ERP44: variants seen among roughly 807,000 people sequenced by gnomAD.
ERP44 encodes the protein endoplasmic reticulum protein 44.
ERP44 carries 25 observed loss-of-function variants against 53.4 expected under a neutral mutation model. That is an observed-to-expected ratio of 0.47 (90% CI 0.34 to 0.65). ERP44 has a LOEUF of 0.65. ERP44 is among the 30% of genes least tolerant of loss of function. The pLI, the probability that ERP44 is intolerant of heterozygous loss-of-function variation, is 0.01. For missense variants in ERP44, 338 were observed against 493.2 expected, an observed-to-expected ratio of 0.69 and a Z score of 2.98; for synonymous variants, 145 against 161.2, an observed-to-expected ratio of 0.90 and a Z score of 0.76.
chr9:100,041,239 C>T (rs544090660), intron 4 of ERP44, among the ~76,000 whole-genome samples: 1 of 152,222 alleles, frequency 6.6e-6, no homozygotes, highest in East Asian at 1.9e-4. Flanking sequence ...CATCACCTGA[C>T]TTCAAATTAT....
chr9:100,009,175 A>G (rs559343433), intron 8 of ERP44, among the ~76,000 whole-genome samples: 239 of 152,294 alleles, frequency 1.6e-3, no homozygotes, highest in Middle Eastern at 6.8e-3. Flanking sequence ...GCACTAGTGC[A>G]ATCTTGGCTC....
chr9:100,088,708 T>C (rs181442640), intron 1 of ERP44, among the ~76,000 whole-genome samples: 1 of 152,314 alleles, frequency 6.6e-6, no homozygotes, highest in Admixed American at 6.5e-5. Context: ...ATACCAGTAT[T>C]ATTCCTCAGA....
rs1157962546 is a variant in ERP44, at chr9:100,052,538, C to A, written c.171-6G>T. Reference sequence around the variant, plus strand: ...ACATCTGACTGAAACGACACCTATACACAGAGAAGGATGCCAATTAGAAAT... The same window carrying A: ...ACATCTGACTGAAACGACACCTATAAACAGAGAAGGATGCCAATTAGAAAT... On this transcript the variant is annotated splice_region_variant and splice_polypyrimidine_tract_variant and intron_variant, in intron 3 of 11. Coordinates refer to ENST00000262455, the MANE Select transcript of ERP44 (RefSeq NM_015051.3). 3 of 1,526,296 alleles carry A rather than the reference C, an allele frequency of 2.0e-6. No homozygotes were observed. Among genetic ancestry groups the A allele is most frequent in the Non-Finnish European group, 2.7e-6 (3 of 1,110,760 alleles). 94.5% of individuals were successfully genotyped at this position (1,526,296 alleles called of 1,614,324 possible). A position where few individuals can be genotyped will look rare whatever the true frequency, so the allele number is the denominator to read the frequency against.
intron 1 of ERP44, among the ~76,000 whole-genome samples, chr9:100,080,431 C>A (rs1241752494): frequency 6.6e-6 from 1 of 152,130 alleles, no homozygotes; most frequent in Non-Finnish European, 1.5e-5. Flanking sequence ...TCCACAAGCT[C>A]ATGGCAGTCC....
At chr9:100,064,657 C>T (rs549651523) in intron 1 of ERP44, among the ~76,000 whole-genome samples, 3 of 152,178 alleles carry the variant, frequency 2.0e-5, no homozygotes, top group Admixed American at 2.0e-4. Context: ...AGTCACACTG[C>T]ATAAAAATGT....
intron 1 of ERP44, among the ~76,000 whole-genome samples, chr9:100,069,831 T>C (rs1826279668): frequency 6.6e-6 from 1 of 152,196 alleles, no homozygotes; most frequent in African/African-American, 2.4e-5. Flanking sequence ...TCATACTTTT[T>C]CTTGAATTTT....
intron 6 of ERP44, among the ~76,000 whole-genome samples, chr9:100,019,539 T>C (rs1434050612): frequency 6.6e-6 from 1 of 151,964 alleles, no homozygotes; most frequent in African/African-American, 2.4e-5. Context: ...TTAAGCCTAA[T>C]AGTCATGAGC....
intron 10 of ERP44, chr9:99,998,534 T>C (rs1371923407): frequency 8.3e-6 from 6 of 721,050 alleles, no homozygotes; most frequent in Non-Finnish European, 1.3e-5. Flanking sequence ...TCTCTGCTAA[T>C]CTTCACGCCT....
In ERP44 at chr9:99,980,476, A is replaced by C; in HGVS notation, c.*2136T>G. 1 of 159,056 alleles carries C rather than the reference A, an allele frequency of 6.3e-6. No homozygotes were observed. Among genetic ancestry groups the C allele is most frequent in the Admixed American group, 6.4e-5 (1 of 15,506 alleles). 9.9% of individuals were successfully genotyped at this position (159,056 alleles called of 1,614,324 possible). A position where few individuals can be genotyped will look rare whatever the true frequency, so the allele number is the denominator to read the frequency against. The stretch of plus-strand genomic sequence containing the variant: ...CTTCTCCAAGCAAAACAGCCTTAAC[A>C]TCCATGTTTTAAAAACCTTTTTATC... On this transcript the variant is annotated 3_prime_UTR_variant, in exon 12 of 12. Coordinates refer to ENST00000262455, the MANE Select transcript of ERP44 (RefSeq NM_015051.3).
chr9:100,011,448 A>C (rs1197048034), intron 8 of ERP44, among the ~76,000 whole-genome samples: 1 of 152,248 alleles, frequency 6.6e-6, no homozygotes, highest in Non-Finnish European at 1.5e-5. Flanking sequence ...TGCACATAGA[A>C]GGGTATTATT....
intron 6 of ERP44, among the ~76,000 whole-genome samples, chr9:100,019,044 G>A (rs1329063538): frequency 6.6e-6 from 1 of 152,194 alleles, no homozygotes; most frequent in African/African-American, 2.4e-5. Flanking sequence ...GGTGAGTAGA[G>A]ACAGACTAAC....
chr9:100,013,866 C>G (rs1016173686), intron 8 of ERP44, among the ~76,000 whole-genome samples: 1 of 152,126 alleles, frequency 6.6e-6, no homozygotes, highest in Non-Finnish European at 1.5e-5. Context: ...CAGCATTATT[C>G]ACGGTAGTCA....
intron 1 of ERP44, among the ~76,000 whole-genome samples, chr9:100,084,422 T>C (rs1826460095): frequency 6.6e-6 from 1 of 152,228 alleles, no homozygotes; most frequent in Non-Finnish European, 1.5e-5. Context: ...TGACTGTGTA[T>C]ACTTTTAAAT....
intron 4 of ERP44, among the ~76,000 whole-genome samples, chr9:100,050,303 AT>A (rs1307380592): frequency 1.1e-4 from 13 of 115,504 alleles, no homozygotes; most frequent in African/African-American, 3.0e-4. Context: ...TAAAATTTAA[AT>A]TTGTGTAACA....
chr9:100,007,294 G>A (rs763572455), intron 9 of ERP44, among the ~76,000 whole-genome samples: 15 of 152,340 alleles, frequency 9.8e-5, no homozygotes, highest in Middle Eastern at 3.4e-3. Flanking sequence ...CACAAGCAAT[G>A]AAGGCAAGTG....
intron 1 of ERP44, among the ~76,000 whole-genome samples, chr9:100,096,637 A>G (rs1826634255): frequency 6.6e-6 from 1 of 152,168 alleles, no homozygotes; most frequent in Non-Finnish European, 1.5e-5. Context: ...GGGTTGAGGT[A>G]CAAAGTGCCT....
At chr9:100,081,812 C>A (rs1044344007) in intron 1 of ERP44, among the ~76,000 whole-genome samples, 11 of 151,966 alleles carry the variant, frequency 7.2e-5, no homozygotes, top group Non-Finnish European at 1.5e-4. Flanking sequence ...TTTGGAAGTA[C>A]AAGACAAAGC....
At chr9:99,995,138 C>T (rs1180694530) in intron 10 of ERP44, among the ~76,000 whole-genome samples, 1 of 151,688 alleles carries the variant, frequency 6.6e-6, no homozygotes, top group Non-Finnish European at 1.5e-5. Flanking sequence ...AAAAAAAAAT[C>T]CTGGTTTCCA....
chr9:100,040,343 G>A (rs1011840201), intron 4 of ERP44, among the ~76,000 whole-genome samples: 1 of 152,184 alleles, frequency 6.6e-6, no homozygotes, highest in African/African-American at 2.4e-5. Flanking sequence ...TCTCTGGGAT[G>A]TAAGGATGAT....
Sources: allele counts gnomAD v4.1 joint callset (sites outside exome capture counted in the v4.1 genomes callset), GRCh38; gene constraint gnomAD v4.1.1; transcripts MANE v1.5; gene names NCBI Gene and HGNC (gene_info 2026-07-23, HGNC 2026-07-21).